The following DLG2 variants were observed in gnomAD, a reference collection of about 807,000 sequenced individuals.
DLG2 encodes the protein discs large MAGUK scaffold protein 2.
Under a neutral mutation model 132.5 loss-of-function variants are expected in DLG2, and 45 were observed. The observed-to-expected ratio is 0.34, with a 90% CI of 0.27 to 0.44. The LOEUF is 0.44. DLG2 is among the 20% of genes least tolerant of loss of function. DLG2 has a pLI of 1.00. For missense variants in DLG2, 1,045 were observed against 1,196.9 expected, an observed-to-expected ratio of 0.87 and a Z score of 1.87; for synonymous variants, 424 against 419.6, an observed-to-expected ratio of 1.01 and a Z score of -0.13.
chr11:84,852,645 A>C (rs966531198), intron 6 of DLG2, among the ~76,000 whole-genome samples: 2 of 152,080 alleles, frequency 1.3e-5, no homozygotes, highest in African/African-American at 4.8e-5. Flanking sequence ...GTATATACTT[A>C]AGGTAACTAC....
intron 6 of DLG2, among the ~76,000 whole-genome samples, chr11:85,068,829 A>G (rs1233761454): frequency 6.6e-6 from 1 of 152,174 alleles, no homozygotes; most frequent in Non-Finnish European, 1.5e-5. Flanking sequence ...ACCAAAAAAG[A>G]GACCGCATTG....
At chr11:85,274,459 G>A (rs2077756983) in intron 4 of DLG2, among the ~76,000 whole-genome samples, 2 of 152,252 alleles carry the variant, frequency 1.3e-5, no homozygotes, top group South Asian at 4.2e-4. Context: ...ATCCAACTTA[G>A]TGTTTGAATA....
chr11:84,894,135 CA>C (rs1489395792), intron 6 of DLG2, among the ~76,000 whole-genome samples: 4 of 152,120 alleles, frequency 2.6e-5, no homozygotes, highest in African/African-American at 7.2e-5. Context: ...CAAAGGTTCT[CA>C]AGCTTGGCCT....
chr11:84,279,100 G>C (rs1201011107), intron 7 of DLG2, among the ~76,000 whole-genome samples: 1 of 151,900 alleles, frequency 6.6e-6, no homozygotes, highest in Non-Finnish European at 1.5e-5. Context: ...AATCTACAAA[G>C]AACTTAAACA....
At chr11:84,043,172 A>T (rs2096140427) in intron 11 of DLG2, among the ~76,000 whole-genome samples, 1 of 151,558 alleles carries the variant, frequency 6.6e-6, no homozygotes, top group Non-Finnish European at 1.5e-5. Flanking sequence ...GCAATTTATT[A>T]ATTAAATTTA....
intron 7 of DLG2, among the ~76,000 whole-genome samples, chr11:84,431,200 C>T (rs1236553905): frequency 6.6e-6 from 1 of 152,076 alleles, no homozygotes; most frequent in Non-Finnish European, 1.5e-5. Context: ...ATATGTATTA[C>T]ACATAACATA....
chr11:83,790,574 G>T, intron 17 of DLG2: 1 of 1,297,250 alleles, frequency 7.7e-7, no homozygotes, highest in African/African-American at 1.5e-5. Context: ...TTTCAGCCAT[G>T]TGGGCTTCTG....
At chr11:84,776,655 T>C (rs1275123668) in intron 6 of DLG2, among the ~76,000 whole-genome samples, 2 of 152,236 alleles carry the variant, frequency 1.3e-5, no homozygotes, top group Non-Finnish European at 2.9e-5. Context: ...GTGAAAACGA[T>C]ATAATATATA....
intron 6 of DLG2, among the ~76,000 whole-genome samples, chr11:85,019,241 A>C (rs2059826423): frequency 1.3e-5 from 2 of 152,168 alleles, no homozygotes; most frequent in Non-Finnish European, 2.9e-5. Context: ...AAAAGCAAAA[A>C]TTACAGGGTA....
At chr11:83,629,729 A>C (rs1399265233) in intron 19 of DLG2, among the ~76,000 whole-genome samples, 1 of 152,166 alleles carries the variant, frequency 6.6e-6, no homozygotes. Flanking sequence ...GGAGATCTTC[A>C]TGAGCTCATA....
At chr11:85,510,741 T>A (rs1303000110) in intron 3 of DLG2, among the ~76,000 whole-genome samples, 1 of 152,174 alleles carries the variant, frequency 6.6e-6, no homozygotes, top group African/African-American at 2.4e-5. Context: ...GGAAAGGATG[T>A]GGAGAAATAG....
chr11:84,834,811 T>C (rs900867709), intron 6 of DLG2, among the ~76,000 whole-genome samples: 3 of 109,880 alleles, frequency 2.7e-5, no homozygotes, highest in Non-Finnish European at 6.1e-5. Flanking sequence ...AAAAAAAAAA[T>C]CAACAAAAGG....
At chr11:84,799,568 C>A (rs902088390) in intron 6 of DLG2, among the ~76,000 whole-genome samples, 1 of 152,190 alleles carries the variant, frequency 6.6e-6, no homozygotes, top group Admixed American at 6.5e-5. Flanking sequence ...CTTACGAGGA[C>A]AATCAGTGGA....
intron 6 of DLG2, among the ~76,000 whole-genome samples, chr11:84,817,279 T>C (rs1205571474): frequency 1.1e-4 from 16 of 151,898 alleles, no homozygotes; most frequent in Admixed American, 1.1e-3. Flanking sequence ...TCAATATAAG[T>C]GCCAGTAAAA....
chr11:83,699,627 G>C (rs961508795), intron 18 of DLG2, among the ~76,000 whole-genome samples: 6 of 151,108 alleles, frequency 4.0e-5, no homozygotes, highest in African/African-American at 1.5e-4. Flanking sequence ...GGAGAATGGA[G>C]TGAACCCAGG....
intron 6 of DLG2, among the ~76,000 whole-genome samples, chr11:84,975,308 G>C (rs921114059): frequency 6.6e-6 from 1 of 152,192 alleles, no homozygotes; most frequent in South Asian, 2.1e-4. Context: ...TAGGTGGGGT[G>C]ATGATGCTAT....
At chr11:85,206,605 A>G (rs2081913134) in intron 4 of DLG2, among the ~76,000 whole-genome samples, 1 of 152,222 alleles carries the variant, frequency 6.6e-6, no homozygotes, top group African/African-American at 2.4e-5. Flanking sequence ...TCAGTAAAAC[A>G]AAATAAAATG....
At chr11:85,500,202 G>A (rs1264377834) in intron 3 of DLG2, among the ~76,000 whole-genome samples, 3 of 151,980 alleles carry the variant, frequency 2.0e-5, no homozygotes, top group African/African-American at 2.4e-5. Context: ...AAACCCCATC[G>A]TCTCAGCCCA....
chr11:84,174,110 C>A (rs1456703156), intron 8 of DLG2, among the ~76,000 whole-genome samples: 2 of 139,916 alleles, frequency 1.4e-5, no homozygotes. Flanking sequence ...CTAATTGTAA[C>A]CATAATTTCC....
Sources: allele counts gnomAD v4.1 joint callset (sites outside exome capture counted in the v4.1 genomes callset), GRCh38; gene constraint gnomAD v4.1.1; transcripts MANE v1.5; gene names NCBI Gene and HGNC (gene_info 2026-07-23, HGNC 2026-07-21).